The following DIXDC1 variants were observed in gnomAD, a reference collection of about 807,000 sequenced individuals.
The protein encoded by DIXDC1 is dixin.
In DIXDC1, 64 loss-of-function variants were observed where a neutral mutation model predicts 103.1. The ratio of observed to expected loss-of-function variants is 0.62; its 90% CI spans 0.51 to 0.76. The LOEUF (loss-of-function observed/expected upper bound fraction) is 0.76. Ranked by LOEUF, DIXDC1 falls within the 30% of genes least tolerant of loss-of-function variation. The probability of loss-of-function intolerance (pLI) is 0.00; values close to 1 mark genes in which losing one functional copy is unlikely to be tolerated. For missense variants in DIXDC1, 759 were observed against 834.2 expected (o/e 0.91, Z 1.11); for synonymous variants, 266 against 298.5 (o/e 0.89, Z 1.12).
At chr11:111,997,539 T>C (rs1555175527) in intron 17 of DIXDC1, among the ~76,000 whole-genome samples, 1 of 152,244 alleles carries the variant, frequency 6.6e-6, no homozygotes, top group East Asian at 1.9e-4. Context: ...TTTCGCCATG[T>C]TGGCAATGAA....
rs7127680 is a variant in DIXDC1 at position 111,977,583 on chromosome 11, C to A, written c.656+2600C>A. ...CATCCCAGTCGCTGGGGCCGAGACG[C>A]CGCCGCCGCCGCCGTTCCCGCTTTC... On this transcript the variant is annotated intron_variant, in intron 5 of 19. Transcript: ENST00000440460. This position sits in a 1 kb window ranked among gnomAD's most constrained non-coding sequence, Gnocchi z 6.1. 8.6e-3 allele frequency: 12,717 copies of A among 1,479,404 alleles called. 845 individuals carry two copies. In the African/African-American group the frequency reaches 0.15, roughly 18 times the overall value. The allele number at this position is 1,479,404 out of a possible 1,614,324, so 91.6% of individuals were successfully genotyped here.
At chr11:111,964,782 A>G (rs1859676002) in intron 2 of DIXDC1, 104 bp downstream of exon 2, 1 of 1,366,310 alleles carries the variant, frequency 7.3e-7, no homozygotes, top group Non-Finnish European at 9.7e-7. Context: ...TTTAGAATAT[A>G]TGGCAGTAGA....
chr11:111,948,436 T>C (rs28607946), intron 1 of DIXDC1, among the ~76,000 whole-genome samples: 2,377 of 152,200 alleles, frequency 0.016, 67 homozygotes, highest in African/African-American at 0.053. Flanking sequence ...ACACCACGCT[T>C]ACTTCCTTTG....
chr11:111,977,461 G>T lies in DIXDC1; in HGVS notation c.656+2478G>T, dbSNP rs1555172738. On this transcript the variant is annotated intron_variant, in intron 5 of 19. Coordinates refer to ENST00000440460, the MANE Select transcript of DIXDC1 (RefSeq NM_001037954.4). The surrounding 1 kb of genome is among the most constrained non-coding windows in gnomAD (Gnocchi z 6.1). ...CGTCCGCGGAGGCCAAGATGCAGCGGCCAGGGGCCGGCAGCCTGCGAGGGG... is the reference window on the plus strand; with the variant it reads ...CGTCCGCGGAGGCCAAGATGCAGCGTCCAGGGGCCGGCAGCCTGCGAGGGG... 4.7e-6 allele frequency: 6 copies of T among 1,282,348 alleles called. No individual in the cohort carries two copies. Among genetic ancestry groups the T allele is most frequent in the African/African-American group, 1.6e-5 (1 of 62,902 alleles). The allele number at this position is 1,282,348 out of a possible 1,614,324, so 79.4% of individuals were successfully genotyped here. A position where few individuals can be genotyped will look rare whatever the true frequency, so the allele number is the denominator to read the frequency against.
At chr11:111,939,606 T>A (rs587768383) in intron 1 of DIXDC1, among the ~76,000 whole-genome samples, 16 of 152,326 alleles carry the variant, frequency 1.1e-4, no homozygotes, top group African/African-American at 3.8e-4. Flanking sequence ...CTCTGAAAAA[T>A]TGACATCATC....
At chr11:112,002,407 A>G (rs587613035) in intron 17 of DIXDC1, among the ~76,000 whole-genome samples, 109 of 152,382 alleles carry the variant, frequency 7.2e-4, no homozygotes, top group Admixed American at 1.4e-3. Context: ...CATGTGATCC[A>G]GCAATTCCAC....
In DIXDC1 at chr11:111,931,837, G is replaced by T. The variant is rs1966028139; in HGVS notation, c.57+1927G>T. Among the ~76,000 whole-genome samples, 3 of 152,076 alleles carry T rather than the reference G, an allele frequency of 2.0e-5. No homozygotes were observed. In the South Asian group the frequency reaches 6.2e-4, roughly 32 times the overall value. On this transcript the variant is annotated intron_variant, in intron 2 of 5. Coordinates refer to the DIXDC1 transcript ENST00000529225. ...CTGTTGCAATGAGACCTTGAATCTT[G>T]CAGAAAGATGATTTGATGTTAGTGT...
intron 7 of DIXDC1, 58 bp downstream of exon 7, chr11:111,982,545 T>C (rs1241085766): frequency 1.3e-6 from 2 of 1,550,654 alleles, no homozygotes; most frequent in Non-Finnish European, 8.8e-7. Flanking sequence ...AAGTCAGTAT[T>C]ATCAATGGAA....
rs782275932 is a variant in DIXDC1 at position 111,976,126 on chromosome 11, T to G, written c.656+1143T>G. Reference sequence around the variant, plus strand: ...AGCAGGTGTGCTTTTAATGAGAATCTAAATCATTTCTTCCTTGCTTGCTGC... The same window carrying G: ...AGCAGGTGTGCTTTTAATGAGAATCGAAATCATTTCTTCCTTGCTTGCTGC... On this transcript the variant is annotated intron_variant, in intron 5 of 19. Coordinates refer to ENST00000440460, the MANE Select transcript of DIXDC1 (RefSeq NM_001037954.4). The surrounding 1 kb of genome is among the most constrained non-coding windows in gnomAD (Gnocchi z 4.3). The G allele has an allele frequency of 1.2e-5, 2 of 165,370 alleles. No individual in the cohort carries two copies. Among genetic ancestry groups the G allele is most frequent in the Non-Finnish European group, 2.5e-5 (2 of 80,044 alleles). The allele number at this position is 165,370 out of a possible 1,614,324, so 10.2% of individuals were successfully genotyped here. A position where few individuals can be genotyped will look rare whatever the true frequency, so the allele number is the denominator to read the frequency against.
At chr11:111,942,498 T>C (rs1555168964) in intron 1 of DIXDC1, among the ~76,000 whole-genome samples, 11 of 152,196 alleles carry the variant, frequency 7.2e-5, no homozygotes, top group Non-Finnish European at 2.9e-5. Flanking sequence ...GGTAAGGCAA[T>C]AGAGAACCAA....
At chr11:111,990,968 G>T (rs587607668) in intron 10 of DIXDC1, among the ~76,000 whole-genome samples, 1 of 152,274 alleles carries the variant, frequency 6.6e-6, no homozygotes, top group Admixed American at 6.5e-5. Flanking sequence ...GCCTCCAAAA[G>T]TGCTGGGATT....
chr11:111,994,484 TACAC>T (rs1228040614), intron 14 of DIXDC1, among the ~76,000 whole-genome samples: 5 of 151,262 alleles, frequency 3.3e-5, no homozygotes, highest in Non-Finnish European at 7.4e-5. Context: ...TACATATATA[TACAC>T]ACACATATAT....
intron 17 of DIXDC1, among the ~76,000 whole-genome samples, chr11:111,999,823 T>C (rs1349621723): frequency 1.3e-5 from 2 of 151,634 alleles, no homozygotes; most frequent in Non-Finnish European, 2.9e-5. Flanking sequence ...TGCTCCAGCC[T>C]GGGTGATAGA....
intron 3 of DIXDC1, among the ~76,000 whole-genome samples, chr11:111,972,058 G>A (rs373490659): frequency 6.6e-6 from 1 of 152,168 alleles, no homozygotes; most frequent in African/African-American, 2.4e-5. Flanking sequence ...TCGTACCCTA[G>A]ACCTCAGCAT....
intron 19 of DIXDC1, 30 bp from the exon 20 acceptor site, chr11:112,018,926 T>G (rs1280225027): frequency 6.3e-7 from 1 of 1,596,902 alleles, no homozygotes; most frequent in Non-Finnish European, 8.6e-7. Context: ...TCCCTGTTTT[T>G]TCACTGTGGC....
chr11:112,004,480 A>G (rs1260791691), intron 17 of DIXDC1, among the ~76,000 whole-genome samples: 2 of 152,192 alleles, frequency 1.3e-5, no homozygotes, highest in Non-Finnish European at 2.9e-5. Context: ...GCAGGAAACT[A>G]TCTTGGACTC....
chr11:112,016,900 TATA>T, intron 18 of DIXDC1, 104 bp downstream of exon 18: 1 of 930,832 alleles, frequency 1.1e-6, no homozygotes. Context: ...TGAGAAGCAG[TATA>T]GTGAGATCTC....
chr11:111,993,606 C>T lies in DIXDC1; in HGVS notation c.1365+18C>T, dbSNP rs1860781663. On this transcript the variant is annotated intron_variant, in intron 13 of 19. Transcript: ENST00000440460. ...ACCACCAGGTCAGAACATATTCAGC[C>T]ACTGACTTCCCTGCCTCTTTGGCCC... The T allele has an allele frequency of 6.2e-7, 1 of 1,614,010 alleles. No individual in the cohort carries two copies. Among genetic ancestry groups the T allele is most frequent in the Non-Finnish European group, 8.5e-7 (1 of 1,179,872 alleles).
At chr11:112,011,952 TAAAAAAG>T (rs1555177238) in intron 17 of DIXDC1, among the ~76,000 whole-genome samples, 1 of 151,778 alleles carries the variant, frequency 6.6e-6, no homozygotes, top group Non-Finnish European at 1.5e-5. Flanking sequence ...TAAAGTATAG[TAAAAAAG>T]GAAAAAGGAA....
Sources: gnomAD v4.1 joint callset for allele counts (sites outside exome capture counted in the v4.1 genomes callset) on GRCh38, gnomAD v4.1.1 for gene constraint, Gnocchi (gnomAD v3.1) non-coding constraint, MANE v1.5 for transcripts, NCBI Gene and HGNC (gene_info 2026-07-23, HGNC 2026-07-21) for gene names.